The following GPC6 variants were observed in gnomAD, a reference collection of about 807,000 sequenced individuals.
GPC6 encodes the protein glypican-6.
In GPC6, 14 loss-of-function variants were observed where a neutral mutation model predicts 55.2. The ratio of observed to expected loss-of-function variants is 0.25; its 90% CI spans 0.17 to 0.40. The LOEUF (loss-of-function observed/expected upper bound fraction) is 0.40. GPC6 is among the 10% of genes least tolerant of loss of function. The probability of loss-of-function intolerance (pLI) is 1.00; values close to 1 mark genes in which losing one functional copy is unlikely to be tolerated. For synonymous variants in GPC6, 278 were observed against 259.6 expected, an observed-to-expected ratio of 1.07 and a Z score of -0.68; for missense variants, 641 against 708.5, an observed-to-expected ratio of 0.90 and a Z score of 1.08.
chr13:93,762,924 T>A (rs1209462723), intron 2 of GPC6, among the ~76,000 whole-genome samples: 1 of 152,144 alleles, frequency 6.6e-6, no homozygotes, highest in Non-Finnish European at 1.5e-5. Context: ...ATTGCATAAA[T>A]CCTTCAGCTG....
At chr13:93,441,359 G>A (rs1377511192) in intron 1 of GPC6, among the ~76,000 whole-genome samples, 5 of 151,922 alleles carry the variant, frequency 3.3e-5, no homozygotes, top group Non-Finnish European at 7.4e-5. Context: ...AGTACCCATT[G>A]TTTCCTGACT....
chr13:93,980,873 C>T (rs1435589888), intron 3 of GPC6, among the ~76,000 whole-genome samples: 1 of 152,118 alleles, frequency 6.6e-6, no homozygotes, highest in African/African-American at 2.4e-5. Flanking sequence ...TTTTCTGCTT[C>T]CTCTCACTTG....
chr13:93,910,391 T>C (rs1163204429), intron 3 of GPC6, among the ~76,000 whole-genome samples: 2 of 152,112 alleles, frequency 1.3e-5, no homozygotes, highest in Non-Finnish European at 2.9e-5. Context: ...TTAAACCTCT[T>C]TCCTTTATAA....
rs35028057 is a variant in GPC6 at position 94,157,713 on chromosome 13, T to TGGG, written c.878-128635_878-128633dup. ...GACTGGTTTGACTCCTGCTGTGACTTGGGAAGTTCCCCCTAACAGCAGTGT... is the reference window on the plus strand; with the variant it reads ...GACTGGTTTGACTCCTGCTGTGACTTGGGGGGAAGTTCCCCCTAACAGCAGTGT... On this transcript the variant is annotated intron_variant, in intron 4 of 8. Transcript: ENST00000377047. Among the ~76,000 whole-genome samples, 543 of 152,208 alleles carry TGGG rather than the reference T, an allele frequency of 3.6e-3. 3 individuals carry two copies. Among genetic ancestry groups the TGGG allele is most frequent in the African/African-American group, 0.012 (516 of 41,524 alleles).
At chr13:93,642,365 T>C (rs1879988923) in intron 2 of GPC6, among the ~76,000 whole-genome samples, 1 of 152,122 alleles carries the variant, frequency 6.6e-6, no homozygotes, top group Non-Finnish European at 1.5e-5. Flanking sequence ...GGTGTATAAG[T>C]GTCACATTTT....
At chr13:93,496,416 A>AT (rs1880284925) in intron 1 of GPC6, among the ~76,000 whole-genome samples, 1 of 151,738 alleles carries the variant, frequency 6.6e-6, no homozygotes, top group Non-Finnish European at 1.5e-5. Flanking sequence ...ACTGTCTGGC[A>AT]CTCCCTAGGG....
At chr13:94,266,810 G>C (rs976116805) in intron 4 of GPC6, among the ~76,000 whole-genome samples, 3 of 152,172 alleles carry the variant, frequency 2.0e-5, no homozygotes, top group African/African-American at 7.2e-5. Context: ...TATGTTGGCT[G>C]ATCAAATGAA....
chr13:93,509,838 C>T (rs1880879733), intron 1 of GPC6, among the ~76,000 whole-genome samples: 1 of 152,158 alleles, frequency 6.6e-6, no homozygotes, highest in African/African-American at 2.4e-5. Context: ...AGGAAATTGC[C>T]TACTTTGTTA....
chr13:94,068,096 A>G (rs998118038), intron 4 of GPC6, among the ~76,000 whole-genome samples: 3 of 152,214 alleles, frequency 2.0e-5, no homozygotes, highest in African/African-American at 7.2e-5. Flanking sequence ...TAATAAAGAC[A>G]TACTCGAGAC....
intron 2 of GPC6, among the ~76,000 whole-genome samples, chr13:93,814,646 C>G (rs1354466169): frequency 6.6e-6 from 1 of 152,154 alleles, no homozygotes; most frequent in African/African-American, 2.4e-5. Flanking sequence ...TGGAAAGATA[C>G]AAAAACTACT....
chr13:93,837,595 G>A (rs1235692804), intron 3 of GPC6, among the ~76,000 whole-genome samples: 2 of 152,144 alleles, frequency 1.3e-5, no homozygotes, highest in African/African-American at 2.4e-5. Context: ...GACTAAGCAG[G>A]TTACAGCATT....
At chr13:93,353,424 G>A (rs943500074) in intron 1 of GPC6, among the ~76,000 whole-genome samples, 2 of 152,166 alleles carry the variant, frequency 1.3e-5, no homozygotes, top group African/African-American at 4.8e-5. Flanking sequence ...ATAACTAGGA[G>A]CATGTGGGGT....
intron 6 of GPC6, among the ~76,000 whole-genome samples, chr13:94,381,726 T>C (rs1880168455): frequency 6.6e-6 from 1 of 152,230 alleles, no homozygotes; most frequent in South Asian, 2.1e-4. Flanking sequence ...CTTCCTACCC[T>C]TTCTGCAAGT....
chr13:94,111,024 C>G (rs987087400), intron 4 of GPC6, among the ~76,000 whole-genome samples: 1 of 152,096 alleles, frequency 6.6e-6, no homozygotes, highest in Non-Finnish European at 1.5e-5. Context: ...GTGTTACTTA[C>G]ATTTTGAACA....
At chr13:93,231,397 G>GTGTATA (rs1284453371) in intron 1 of GPC6, among the ~76,000 whole-genome samples, 7 of 45,852 alleles carry the variant, frequency 1.5e-4, no homozygotes, top group South Asian at 6.8e-4. Context: ...ATATATATAT[G>GTGTATA]TATATATATA....
chr13:94,387,527 A>C (rs1170014176), intron 7 of GPC6, among the ~76,000 whole-genome samples: 4 of 152,220 alleles, frequency 2.6e-5, no homozygotes. Context: ...GTGCAGGCTA[A>C]ACTCTTGGAG....
At chr13:93,345,500 T>TA (rs1880395748) in intron 1 of GPC6, among the ~76,000 whole-genome samples, 1 of 151,826 alleles carries the variant, frequency 6.6e-6, no homozygotes, top group Non-Finnish European at 1.5e-5. Context: ...TCTAAATGAA[T>TA]GAAAAAAAAT....
chr13:93,590,559 T>C (rs969411915), intron 2 of GPC6, among the ~76,000 whole-genome samples: 2 of 152,150 alleles, frequency 1.3e-5, no homozygotes, highest in Admixed American at 6.5e-5. Flanking sequence ...TGTGAATTGA[T>C]TCTTTAAAAT....
intron 4 of GPC6, among the ~76,000 whole-genome samples, chr13:94,281,572 A>G (rs1892383588): frequency 6.6e-6 from 1 of 152,166 alleles, no homozygotes; most frequent in Non-Finnish European, 1.5e-5. Flanking sequence ...GTGTATGTAT[A>G]ATCATATTGA....
Sources: allele counts gnomAD v4.1 joint callset (sites outside exome capture counted in the v4.1 genomes callset), GRCh38; gene constraint gnomAD v4.1.1; transcripts MANE v1.5; gene names NCBI Gene and HGNC (gene_info 2026-07-23, HGNC 2026-07-21).